The following FRMPD4 variants were observed in gnomAD, a reference collection of about 807,000 sequenced individuals.
FRMPD4 encodes FERM and PDZ domain-containing protein 4.
A neutral mutation model predicts 94.1 loss-of-function variants in FRMPD4; 22 were observed. The observed-to-expected ratio is 0.23, with a 90% CI of 0.17 to 0.33. The LOEUF (loss-of-function observed/expected upper bound fraction) is 0.33. Ranked by LOEUF, FRMPD4 falls within the 10% of genes least tolerant of loss-of-function variation. The pLI, the probability that FRMPD4 is intolerant of heterozygous loss-of-function variation, is 1.00. For missense variants in FRMPD4, 1,111 were observed against 1,339.9 expected, an observed-to-expected ratio of 0.83 and a Z score of 2.67; for synonymous variants, 631 against 548.6, an observed-to-expected ratio of 1.15 and a Z score of -2.10.
chrX:12,695,942 G>T (rs984526769), intron 9 of FRMPD4, among the ~76,000 whole-genome samples: 1 of 108,685 alleles, frequency 9.2e-6, no homozygotes, highest in East Asian at 2.9e-4. Flanking sequence ...CTCCATGTTG[G>T]TCAGGTTGGT....
chrX:12,421,496 G>T (rs1004192308), intron 1 of FRMPD4, among the ~76,000 whole-genome samples: 2 of 111,276 alleles, frequency 1.8e-5, no homozygotes, highest in African/African-American at 6.5e-5. Context: ...GGAGGTTTAA[G>T]CCTGTAATCC....
At chrX:12,693,554 G>A (rs1381374517) in intron 8 of FRMPD4, among the ~76,000 whole-genome samples, 1 of 111,780 alleles carries the variant, frequency 8.9e-6, no homozygotes, top group Non-Finnish European at 1.9e-5. Flanking sequence ...TCAGAAGTTT[G>A]GAGTAGTTTG....
At chrX:12,491,328 CCA>C (rs762227026) in intron 1 of FRMPD4, among the ~76,000 whole-genome samples, 303 of 112,433 alleles carry the variant, frequency 2.7e-3, no homozygotes, top group Middle Eastern at 9.2e-3. Flanking sequence ...CCAGATTTAA[CCA>C]CAGTGTACCC....
In FRMPD4 at chrX:12,707,482, G is replaced by A; in HGVS notation, c.1301G>A (p.Arg434His). ...TCTCTTTCTCAGCAGGCAGAAAAGCGCTCGGAAGTGACTCTCCTGGTTGGG... is the reference window on the plus strand; with the variant it reads ...TCTCTTTCTCAGCAGGCAGAAAAGCACTCGGAAGTGACTCTCCTGGTTGGG... ...FKATLVQAEK[R>H]SEVTLLVGPR... Residue 434 changes from arginine (R) to histidine (H), a missense_variant, in exon 13 of 17, where the codon CGC becomes CAC. Arg to His is a conservative substitution (Grantham distance 29). Coordinates refer to ENST00000675598, the MANE Select transcript of FRMPD4 (RefSeq NM_001368397.1). 9 of 1,199,289 alleles carry A rather than the reference G, an allele frequency of 7.5e-6. No homozygotes were observed. The highest frequency in any genetic ancestry group is 2.3e-5 in the Admixed American group (1 of 43,845).
chrX:12,160,976 A>G (rs980537380), intron 1 of FRMPD4, among the ~76,000 whole-genome samples: 5 of 111,029 alleles, frequency 4.5e-5, no homozygotes, highest in African/African-American at 1.6e-4. Flanking sequence ...CTACAATTTT[A>G]CTAACACTAC....
At chrX:12,500,321 A>G (rs2057905184) in intron 2 of FRMPD4, among the ~76,000 whole-genome samples, 1 of 112,021 alleles carries the variant, frequency 8.9e-6, no homozygotes, top group African/African-American at 3.2e-5. Context: ...TTTATAAAAA[A>G]TATCTGCCAA....
chrX:12,570,518 C>T (rs1237194107), intron 2 of FRMPD4, among the ~76,000 whole-genome samples: 2 of 95,984 alleles, frequency 2.1e-5, no homozygotes, highest in Non-Finnish European at 4.3e-5. Flanking sequence ...GTTGCCCAGG[C>T]TGGTCTCAAA....
intron 2 of FRMPD4, among the ~76,000 whole-genome samples, chrX:12,509,432 C>T (rs775559745): frequency 2.7e-5 from 3 of 112,071 alleles, no homozygotes; most frequent in African/African-American, 9.7e-5. Flanking sequence ...ATGGCATTCA[C>T]AGCGACCTGG....
intron 3 of FRMPD4, among the ~76,000 whole-genome samples, chrX:12,063,934 T>A (rs192274778): frequency 2.0e-4 from 22 of 112,798 alleles, no homozygotes; most frequent in African/African-American, 5.8e-4. Flanking sequence ...ACAAATGGAT[T>A]CACTTTTGTT....
intron 3 of FRMPD4, among the ~76,000 whole-genome samples, chrX:12,112,379 GACACAGGGCGGGGAACATC>G (rs1270191261): frequency 2.7e-5 from 3 of 110,500 alleles, no homozygotes; most frequent in Non-Finnish European, 5.7e-5. Flanking sequence ...AGAACACTTG[GACACAGGGCGGGGAACATC>G]ACACACTGGG....
chrX:12,389,392 T>G (rs1291129383), intron 1 of FRMPD4, among the ~76,000 whole-genome samples: 1 of 108,928 alleles, frequency 9.2e-6, no homozygotes, highest in East Asian at 2.9e-4. Context: ...GGAGAATCAC[T>G]TGAACCTGGG....
Position 12,547,011 on chromosome X carries a change from T to TA in FRMPD4, c.158+48244dup, listed in dbSNP as rs57946725. Among the ~76,000 whole-genome samples the TA allele has an allele frequency of 1.0e-3, 34 of 33,771 alleles. 1 individual carries two copies. The highest frequency in any genetic ancestry group is 3.1e-3 in the African/African-American group (25 of 8,193). 29.3% of individuals were successfully genotyped at this position (33,771 alleles called of 115,157 possible). A position where few individuals can be genotyped will look rare whatever the true frequency, so the allele number is the denominator to read the frequency against. The stretch of plus-strand genomic sequence containing the variant: ...GGGTGACAGAGCAAGACTGTCTCTT[T>TA]AAAAAAAAAAAAAAAAAAAAAAAAA... On this transcript the variant is annotated intron_variant, in intron 2 of 16. Transcript: ENST00000675598.
chrX:12,072,391 A>G (rs1372062937), intron 3 of FRMPD4, among the ~76,000 whole-genome samples: 1 of 112,162 alleles, frequency 8.9e-6, no homozygotes, highest in East Asian at 2.8e-4. Context: ...TCCAAAATTC[A>G]TAAAGCATTT....
intron 1 of FRMPD4, among the ~76,000 whole-genome samples, chrX:12,376,662 C>T (rs1174450835): frequency 8.8e-6 from 1 of 113,118 alleles, no homozygotes; most frequent in Non-Finnish European, 1.9e-5. Flanking sequence ...CACACACACA[C>T]ACACTCATTC....
chrX:12,459,270 G>A (rs760361546), intron 1 of FRMPD4, among the ~76,000 whole-genome samples: 72 of 110,959 alleles, frequency 6.5e-4, no homozygotes, highest in Middle Eastern at 9.2e-3. Flanking sequence ...AACTGTGGGT[G>A]AAATTTGTAA....
At chrX:12,172,269 A>T (rs73190562) in intron 1 of FRMPD4, among the ~76,000 whole-genome samples, 6,521 of 109,937 alleles carry the variant, frequency 0.059, 192 homozygotes, top group South Asian at 0.095. Context: ...GGAAAAAAAA[A>T]AAAAGGGATA....
At chrX:12,272,878 G>A (rs947137891) in intron 1 of FRMPD4, among the ~76,000 whole-genome samples, 2 of 110,979 alleles carry the variant, frequency 1.8e-5, no homozygotes, top group African/African-American at 3.3e-5. Context: ...AGACCAGCCT[G>A]GTCAACATTG....
intron 3 of FRMPD4, among the ~76,000 whole-genome samples, chrX:11,884,497 C>G (rs746494714): frequency 1.3e-3 from 140 of 111,005 alleles, no homozygotes; most frequent in African/African-American, 4.6e-3. Context: ...AAGTGTTTTT[C>G]TAATGTGTGT....
intron 2 of FRMPD4, among the ~76,000 whole-genome samples, chrX:12,543,624 T>G (rs1008337230): frequency 5.4e-5 from 6 of 111,735 alleles, no homozygotes; most frequent in African/African-American, 2.0e-4. Context: ...TAGGAACACT[T>G]TTACACTGTT....
Sources: allele counts gnomAD v4.1 joint callset (sites outside exome capture counted in the v4.1 genomes callset), GRCh38; gene constraint gnomAD v4.1.1; transcripts MANE v1.5; gene names NCBI Gene and HGNC (gene_info 2026-07-23, HGNC 2026-07-21).